Variants in ABCC9 observed in about 807,000 individuals in gnomAD.
ABCC9 encodes the protein ATP binding cassette subfamily C member 9, also known as ATP-binding cassette sub-family C member 9.
A neutral mutation model predicts 188.3 loss-of-function variants in ABCC9; 95 were observed. That is an observed-to-expected ratio of 0.50 (90% CI 0.43 to 0.60). The LOEUF (loss-of-function observed/expected upper bound fraction) is 0.60. Ranked by LOEUF, ABCC9 falls within the 20% of genes least tolerant of loss-of-function variation. The pLI is 0.00. For synonymous variants in ABCC9, 659 were observed against 652.7 expected, an observed-to-expected ratio of 1.01 and a Z score of -0.15; for missense variants, 1,102 against 1,876.3, an observed-to-expected ratio of 0.59 and a Z score of 7.62.
chr12:21,900,523 G>GGTTT, intron 12 of ABCC9, among the ~76,000 whole-genome samples: 1 of 152,310 alleles, frequency 6.6e-6, no homozygotes, highest in South Asian at 2.1e-4. Flanking sequence ...AGCTAAAGGA[G>GGTTT]GAAGTTCAAA....
intron 33 of ABCC9, among the ~76,000 whole-genome samples, chr12:21,816,106 C>T (rs1345958009): frequency 1.1e-5 from 1 of 94,044 alleles, no homozygotes; most frequent in African/African-American, 4.1e-5. Flanking sequence ...CAAATAAACA[C>T]CTTTTGATTA....
intron 16 of ABCC9, 104 bp from the exon 17 acceptor site, chr12:21,875,830 A>G (rs1946313442): frequency 8.0e-6 from 7 of 875,438 alleles, no homozygotes; most frequent in Non-Finnish European, 1.3e-5. Flanking sequence ...CATGCCTGTA[A>G]TCACAGCACT....
At chr12:21,831,025 C>T (rs2137290454) in intron 30 of ABCC9, 3 of 148,220 alleles carry the variant, frequency 2.0e-5, no homozygotes, top group African/African-American at 7.5e-5. Flanking sequence ...ATCAATCTAT[C>T]ATCTCTCTAT....
chr12:21,935,020 A>G (rs975232501), intron 3 of ABCC9, among the ~76,000 whole-genome samples: 2 of 152,080 alleles, frequency 1.3e-5, no homozygotes, highest in African/African-American at 4.8e-5. Context: ...ATGATCCTTC[A>G]CTAATTCAAG....
chr12:21,899,384 C>T (rs548215951), intron 12 of ABCC9, among the ~76,000 whole-genome samples: 24 of 152,246 alleles, frequency 1.6e-4, no homozygotes, highest in South Asian at 2.1e-4. Context: ...CCAGTGTGAA[C>T]GATGCAGAAG....
rs893738745 is a variant in ABCC9, at chr12:21,863,195, T to A, written c.2238-141A>T. 4.7e-6 allele frequency: 3 copies of A among 635,246 alleles called. No individual in the cohort carries two copies. In the Admixed American group the frequency reaches 8.8e-5, roughly 19 times the overall value. The allele number at this position is 635,246 out of a possible 1,614,324, so 39.4% of individuals were successfully genotyped here. ...TGGAAAACTTCTAAAAGAGAAAAATTTAAAGACCACCAACCTTATTAAGAA... is the reference window on the plus strand; with the variant it reads ...TGGAAAACTTCTAAAAGAGAAAAATATAAAGACCACCAACCTTATTAAGAA... On this transcript the variant is annotated intron_variant, in intron 19 of 39. Coordinates refer to ENST00000261200, the MANE Select transcript of ABCC9 (RefSeq NM_020297.4).
At chr12:21,834,280 G>T (rs1255345400) in intron 30 of ABCC9, among the ~76,000 whole-genome samples, 1 of 151,960 alleles carries the variant, frequency 6.6e-6, no homozygotes, top group Non-Finnish European at 1.5e-5. Flanking sequence ...TTTCCCAACT[G>T]GTCTGAATTC....
intron 3 of ABCC9, 42 bp from the exon 4 acceptor site, chr12:21,933,965 G>GA (rs1429799200): frequency 1.2e-6 from 2 of 1,610,832 alleles, no homozygotes; most frequent in Non-Finnish European, 1.7e-6. Context: ...GACATAAACC[G>GA]AAGGCTCAAT....
At chr12:21,917,406 A>AT (rs1210151685) in intron 5 of ABCC9, among the ~76,000 whole-genome samples, 2 of 152,152 alleles carry the variant, frequency 1.3e-5, no homozygotes, top group East Asian at 3.8e-4. Context: ...AAGTCTATAA[A>AT]TTTTAAAAAG....
At chr12:21,806,324 A>C (rs1941840353) in intron 38 of ABCC9, among the ~76,000 whole-genome samples, 1 of 152,194 alleles carries the variant, frequency 6.6e-6, no homozygotes, top group Admixed American at 6.5e-5. Flanking sequence ...GAAGAAAATG[A>C]AATTAAATGG....
intron 24 of ABCC9, 62 bp from the exon 25 acceptor site, chr12:21,848,308 G>A: frequency 7.2e-7 from 1 of 1,396,432 alleles, no homozygotes; most frequent in Non-Finnish European, 1.0e-6. Context: ...ACTTATCAAT[G>A]AATGACTCAC....
intron 16 of ABCC9, among the ~76,000 whole-genome samples, chr12:21,880,601 A>G (rs576529482): frequency 6.6e-6 from 1 of 152,308 alleles, no homozygotes; most frequent in East Asian, 1.9e-4. Context: ...TCATAAATAT[A>G]TCTTATATCG....
At chr12:21,848,292 G>T in intron 24 of ABCC9, 46 bp from the exon 25 acceptor site, 1 of 1,521,494 alleles carries the variant, frequency 6.6e-7, no homozygotes, top group Non-Finnish European at 9.1e-7. Flanking sequence ...ACACCAATAG[G>T]TTGTGACTTA....
intron 33 of ABCC9, 80 bp from the exon 34 acceptor site, chr12:21,815,973 A>C (rs1220243639): frequency 9.6e-6 from 10 of 1,038,204 alleles, no homozygotes; most frequent in Non-Finnish European, 1.3e-5. Flanking sequence ...ATACTTAAAT[A>C]CATTTATACA....
intron 16 of ABCC9, among the ~76,000 whole-genome samples, chr12:21,876,926 C>T (rs1217113291): frequency 1.3e-5 from 2 of 152,142 alleles, no homozygotes; most frequent in African/African-American, 2.4e-5. Context: ...AAAAGGCTAG[C>T]TTATGTTTGT....
intron 24 of ABCC9, among the ~76,000 whole-genome samples, chr12:21,850,267 C>T (rs1002468095): frequency 6.6e-6 from 1 of 151,910 alleles, no homozygotes; most frequent in African/African-American, 2.4e-5. Context: ...AACACCCTGT[C>T]CTGTCCCATA....
Position 21,910,149 on chromosome 12 carries a change from C to T in ABCC9, c.1320+8G>A. On this transcript the variant is annotated splice_region_variant and intron_variant, in intron 10 of 39. Transcript: ENST00000261200. The stretch of plus-strand genomic sequence containing the variant: ...AGACAAAAATCTTACTTATATTTAT[C>T]TACCTACCTGAACAGGCATAGCCCA... The T allele has an allele frequency of 1.2e-6, 2 of 1,606,716 alleles. No homozygotes were observed. Among genetic ancestry groups the T allele is most frequent in the Non-Finnish European group, 1.7e-6 (2 of 1,174,330 alleles).
At chr12:21,862,816 G>C in intron 20 of ABCC9, 137 bp downstream of exon 20, 1 of 658,122 alleles carries the variant, frequency 1.5e-6, no homozygotes, top group South Asian at 1.8e-5. Context: ...AAAAGACCTT[G>C]GTGATGAGGA....
chr12:21,910,701 CGTT>C lies in ABCC9; in HGVS notation c.1164+122_1164+124del, dbSNP rs149565566. 24 of 819,728 alleles carry C rather than the reference CGTT, an allele frequency of 2.9e-5. 1 individual carries two copies. The highest frequency in any genetic ancestry group is 1.8e-4 in the South Asian group (11 of 59,860). 50.8% of individuals were successfully genotyped at this position (819,728 alleles called of 1,614,324 possible). A position where few individuals can be genotyped will look rare whatever the true frequency, so the allele number is the denominator to read the frequency against. ...TCTTTCATTAAGTAGATTATAGAAA[CGTT>C]GTTGTTGTAATACCAAAATGAAAAT... On this transcript the variant is annotated intron_variant, in intron 9 of 39. Transcript: ENST00000261200.
Sources: gnomAD v4.1 joint callset for allele counts (sites outside exome capture counted in the v4.1 genomes callset) on GRCh38, gnomAD v4.1.1 for gene constraint, MANE v1.5 for transcripts, NCBI Gene and HGNC (gene_info 2026-07-23, HGNC 2026-07-21) for gene names.